DSCAML1: variants seen among roughly 807,000 people sequenced by gnomAD.
The protein encoded by DSCAML1 is cell adhesion molecule DSCAML1.
Under a neutral mutation model 200.5 loss-of-function variants are expected in DSCAML1, and 38 were observed. The ratio of observed to expected loss-of-function variants is 0.19; its 90% CI spans 0.15 to 0.25. The LOEUF is 0.25. Among genes scored for constraint, DSCAML1 ranks in the 10% least tolerant of loss-of-function variants. DSCAML1 has a pLI of 1.00. For synonymous variants in DSCAML1, 1,215 were observed against 1,165.0 expected (o/e 1.04, Z -0.87); for missense variants, 2,223 against 2,858.8 (o/e 0.78, Z 5.07).
intron 3 of DSCAML1, among the ~76,000 whole-genome samples, chr11:117,686,834 C>A (rs956743244): frequency 6.6e-6 from 1 of 152,140 alleles, no homozygotes; most frequent in Admixed American, 6.5e-5. Context: ...CATCTACAAG[C>A]CTGATGATGA....
At chr11:117,493,626 TTTTA>T (rs943900374) in intron 11 of DSCAML1, among the ~76,000 whole-genome samples, 1 of 151,178 alleles carries the variant, frequency 6.6e-6, no homozygotes, top group Non-Finnish European at 1.5e-5. Flanking sequence ...GTCCTCTACT[TTTTA>T]TTTATTTATT....
At chr11:117,473,638 T>G (rs1430773515) in intron 14 of DSCAML1, among the ~76,000 whole-genome samples, 1 of 152,240 alleles carries the variant, frequency 6.6e-6, no homozygotes, top group Non-Finnish European at 1.5e-5. Flanking sequence ...ACACCACTTA[T>G]AGCTGCTCAG....
At chr11:117,587,315 G>A (rs2051166477) in intron 3 of DSCAML1, among the ~76,000 whole-genome samples, 1 of 151,902 alleles carries the variant, frequency 6.6e-6, no homozygotes, top group African/African-American at 2.4e-5. Context: ...CACAGAGGGT[G>A]GGAAAAGGTG....
chr11:117,702,580 C>A (rs1313466199), intron 3 of DSCAML1, among the ~76,000 whole-genome samples: 3 of 152,004 alleles, frequency 2.0e-5, no homozygotes, highest in African/African-American at 7.3e-5. Context: ...TTTATTGCTC[C>A]CTGAAAATGA....
chr11:117,725,229 A>C (rs2054104631), intron 3 of DSCAML1, among the ~76,000 whole-genome samples: 1 of 152,128 alleles, frequency 6.6e-6, no homozygotes, highest in African/African-American at 2.4e-5. Flanking sequence ...TGGGCCCTCC[A>C]CACCACTGTC....
rs1373806096 is a variant in DSCAML1 at position 117,430,177 on chromosome 11, G to A, written c.5686+545C>T. On this transcript the variant is annotated intron_variant, in intron 32 of 32. Coordinates refer to ENST00000651296, the MANE Select transcript of DSCAML1 (RefSeq NM_020693.4). ...AAGGGCATATGCTCCGGCCAGGCCC[G>A]TGGGGTCAGATGGTTCCCAGCCAGG... 3.3e-5 allele frequency among the ~76,000 whole-genome samples: 5 copies of A among 152,220 alleles called. No homozygotes were observed. The East Asian group carries it at 5.8e-4, about 18-fold the overall frequency.
At chr11:117,582,227 A>G (rs1303118511) in intron 3 of DSCAML1, among the ~76,000 whole-genome samples, 2 of 152,238 alleles carry the variant, frequency 1.3e-5, no homozygotes, top group African/African-American at 2.4e-5. Flanking sequence ...TGGGCTCTGT[A>G]GCCATTTACA....
intron 3 of DSCAML1, among the ~76,000 whole-genome samples, chr11:117,532,885 G>A (rs144050980): frequency 5.8e-4 from 89 of 152,240 alleles, no homozygotes; most frequent in Middle Eastern, 3.4e-3. Flanking sequence ...AATGCTTTGG[G>A]AGGCTGAGGC....
chr11:117,517,929 G>C (rs1441264709), intron 7 of DSCAML1, among the ~76,000 whole-genome samples: 1 of 152,200 alleles, frequency 6.6e-6, no homozygotes, highest in African/African-American at 2.4e-5. Flanking sequence ...ACTCTTGATG[G>C]TGTGAGCCTT....
At chr11:117,581,232 T>C (rs1434816522) in intron 3 of DSCAML1, among the ~76,000 whole-genome samples, 1 of 152,222 alleles carries the variant, frequency 6.6e-6, no homozygotes, top group Non-Finnish European at 1.5e-5. Context: ...ACCTGCTCAC[T>C]ATCAAAGTGT....
chr11:117,591,677 G>C (rs987679731), intron 3 of DSCAML1, among the ~76,000 whole-genome samples: 3 of 152,198 alleles, frequency 2.0e-5, no homozygotes, highest in African/African-American at 7.2e-5. Context: ...CCGGCGCTCT[G>C]ATGGGGTTTT....
chr11:117,716,304 A>G (rs2053951629), intron 3 of DSCAML1, among the ~76,000 whole-genome samples: 1 of 152,230 alleles, frequency 6.6e-6, no homozygotes, highest in African/African-American at 2.4e-5. Context: ...AGCTTGAGCA[A>G]GTTACGTTCC....
intron 3 of DSCAML1, among the ~76,000 whole-genome samples, chr11:117,606,508 T>C (rs1322386767): frequency 6.6e-6 from 1 of 152,210 alleles, no homozygotes; most frequent in South Asian, 2.1e-4. Context: ...ATAAATGCAC[T>C]CTGTTTTTCA....
intron 3 of DSCAML1, among the ~76,000 whole-genome samples, chr11:117,589,104 G>A (rs1368084437): frequency 6.6e-6 from 1 of 152,196 alleles, no homozygotes; most frequent in Non-Finnish European, 1.5e-5. Flanking sequence ...CTTACTCCAA[G>A]CCTCAGATGG....
At chr11:117,639,970 TGGA>T (rs1196722150) in intron 3 of DSCAML1, among the ~76,000 whole-genome samples, 1 of 152,132 alleles carries the variant, frequency 6.6e-6, no homozygotes, top group Non-Finnish European at 1.5e-5. Flanking sequence ...TGTTCTCTCA[TGGA>T]GGAGAAGTGA....
chr11:117,436,823 C>T (rs1371572850), intron 26 of DSCAML1, among the ~76,000 whole-genome samples: 2 of 152,136 alleles, frequency 1.3e-5, no homozygotes, highest in African/African-American at 4.8e-5. Context: ...TTGTCACCTC[C>T]CTGAAACAAT....
intron 3 of DSCAML1, among the ~76,000 whole-genome samples, chr11:117,631,338 G>C (rs1012483498): frequency 2.0e-5 from 3 of 152,210 alleles, no homozygotes; most frequent in Admixed American, 2.0e-4. Context: ...GTTGGACCCG[G>C]GCAGAGGGAG....
intron 5 of DSCAML1, among the ~76,000 whole-genome samples, chr11:117,523,283 A>G (rs764181058): frequency 1.3e-5 from 2 of 150,180 alleles, no homozygotes; most frequent in Non-Finnish European, 2.9e-5. Flanking sequence ...GGAGAGAAAG[A>G]GAGAGAAAGA....
intron 12 of DSCAML1, 66 bp from the exon 13 acceptor site, chr11:117,481,336 T>G: frequency 1.3e-6 from 2 of 1,516,222 alleles, no homozygotes; most frequent in South Asian, 1.1e-5. Context: ...GCTGGTCAGC[T>G]GAAGGGGTCA....
Sources: gnomAD v4.1 joint callset for allele counts (sites outside exome capture counted in the v4.1 genomes callset) on GRCh38, gnomAD v4.1.1 for gene constraint, MANE v1.5 for transcripts, NCBI Gene and HGNC (gene_info 2026-07-23, HGNC 2026-07-21) for gene names.